The following CCDC15 variants were observed in gnomAD, a reference collection of about 807,000 sequenced individuals.
CCDC15 encodes the protein coiled-coil domain-containing protein 15.
In CCDC15, 105 loss-of-function variants were observed where a neutral mutation model predicts 114.5. The observed-to-expected ratio is 0.92, with a 90% CI of 0.78 to 1.08. CCDC15 has a LOEUF of 1.08. Among genes scored for constraint, CCDC15 ranks in the 50% least tolerant of loss-of-function variants. The pLI is 0.00. For missense variants in CCDC15, 1,105 were observed against 1,093.6 expected, an observed-to-expected ratio of 1.01 and a Z score of -0.15; for synonymous variants, 334 against 377.8, an observed-to-expected ratio of 0.88 and a Z score of 1.34.
chr11:124,992,339 G>A (rs1948284527), intron 9 of CCDC15, among the ~76,000 whole-genome samples: 1 of 152,184 alleles, frequency 6.6e-6, no homozygotes. Context: ...GTACAATGTA[G>A]GAACTAGAAG....
chr11:125,038,754 C>G, intron 14 of CCDC15, 150 bp downstream of exon 14: 1 of 1,144,120 alleles, frequency 8.7e-7, no homozygotes, highest in Non-Finnish European at 1.2e-6. Context: ...TTTTGATTGC[C>G]TAATACTTCT....
At chr11:125,039,243 T>A in intron 15 of CCDC15, 174 bp downstream of exon 15, 2 of 483,860 alleles carry the variant, frequency 4.1e-6, no homozygotes, top group Non-Finnish European at 6.9e-6. Flanking sequence ...GTTATATTTC[T>A]CTTTGAGATC....
intron 13 of CCDC15, among the ~76,000 whole-genome samples, chr11:125,021,872 T>C (rs558763672): frequency 7.0e-4 from 107 of 152,092 alleles, no homozygotes; most frequent in South Asian, 2.5e-3. Flanking sequence ...TCTGTCATCA[T>C]TGACTTCGCT....
chr11:125,034,721 G>A lies in CCDC15; in HGVS notation c.2412-3710G>A, dbSNP rs114639621. 4.7e-3 allele frequency among the ~76,000 whole-genome samples: 720 copies of A among 152,122 alleles called. 5 individuals are homozygous for A. Among genetic ancestry groups the A allele is most frequent in the African/African-American group, 0.016 (684 of 41,502 alleles). On this transcript the variant is annotated intron_variant, in intron 13 of 15. Transcript: ENST00000344762. ...TTTTGCATAACTCTCTAAACAGTTC[G>A]TGCCAGGGACCATAGTGTTCTCCAT... is the stretch of plus-strand genomic sequence containing the variant.
At chr11:124,973,846 T>A (rs1947927350) in intron 4 of CCDC15, among the ~76,000 whole-genome samples, 1 of 152,202 alleles carries the variant, frequency 6.6e-6, no homozygotes, top group Admixed American at 6.5e-5. Flanking sequence ...CTTCAAGGGA[T>A]AATTGATATT....
chr11:124,992,775 A>G (rs1047780598), intron 10 of CCDC15, 88 bp downstream of exon 10: 1 of 723,820 alleles, frequency 1.4e-6, no homozygotes, highest in Non-Finnish European at 2.3e-6. Flanking sequence ...AAGCCTGTCA[A>G]GCTAGCTTGT....
intron 13 of CCDC15, among the ~76,000 whole-genome samples, chr11:125,012,551 G>A (rs1371335835): frequency 6.6e-6 from 1 of 152,140 alleles, no homozygotes; most frequent in East Asian, 1.9e-4. Context: ...GAGTCCATGT[G>A]AGCACAGAAG....
chr11:124,987,436 A>T lies in CCDC15; in HGVS notation c.1210A>T (p.Ser404Cys), dbSNP rs1199713392. The T allele has an allele frequency of 6.2e-7, 1 of 1,613,974 alleles. No homozygotes were observed. The highest frequency in any genetic ancestry group is 8.5e-7 in the Non-Finnish European group (1 of 1,179,892). ...CCAGAGTATTGAGCTAGAAGAAGGG[A>T]GTATTGTGTTGAAAACCCAGGATTT... is the stretch of plus-strand genomic sequence containing the variant. ...KAQSIELEEG[S>C]IVLKTQDFLP... The change falls in exon 8 of 16, where the codon AGT (serine) becomes TGT (cysteine). Residue 404 changes from serine to cysteine, a missense_variant. Physicochemically the swap from Ser to Cys is moderately radical, Grantham distance 112. Coordinates refer to ENST00000344762, the MANE Select transcript of CCDC15 (RefSeq NM_025004.3).
chr11:124,972,142 T>C (rs1947895504), intron 4 of CCDC15, among the ~76,000 whole-genome samples: 2 of 152,200 alleles, frequency 1.3e-5, no homozygotes. Context: ...GTTTTCTATT[T>C]ATCTAATTAT....
chr11:125,011,521 C>T (rs1374400203), intron 13 of CCDC15, among the ~76,000 whole-genome samples: 1 of 152,032 alleles, frequency 6.6e-6, no homozygotes, highest in East Asian at 1.9e-4. Flanking sequence ...CAGGGTTGAG[C>T]CACCATGCCC....
intron 8 of CCDC15, among the ~76,000 whole-genome samples, chr11:124,989,541 TTC>T (rs777518274): frequency 7.2e-5 from 11 of 152,204 alleles, no homozygotes; most frequent in Admixed American, 5.9e-4. Flanking sequence ...CATTGACTTT[TTC>T]TCTCTAGCTG....
intron 4 of CCDC15, among the ~76,000 whole-genome samples, chr11:124,965,102 C>A (rs994942628): frequency 1.3e-5 from 2 of 152,008 alleles, no homozygotes; most frequent in African/African-American, 4.8e-5. Flanking sequence ...CTAAAATTCT[C>A]TTTTTTTGTT....
chr11:125,027,851 A>C (rs1242029472), intron 13 of CCDC15, among the ~76,000 whole-genome samples: 1 of 151,942 alleles, frequency 6.6e-6, no homozygotes, highest in Non-Finnish European at 1.5e-5. Context: ...TATCTTTTAA[A>C]ATTTTTATAG....
intron 8 of CCDC15, among the ~76,000 whole-genome samples, chr11:124,990,386 G>T (rs79595535): frequency 6.6e-6 from 1 of 152,138 alleles, no homozygotes; most frequent in Non-Finnish European, 1.5e-5. Flanking sequence ...CTGAACTATT[G>T]TGAAAATTTC....
chr11:125,004,991 C>T, intron 12 of CCDC15, 118 bp from the exon 13 acceptor site: 1 of 533,310 alleles, frequency 1.9e-6, no homozygotes. Flanking sequence ...CATGTAACTT[C>T]TATATCATCT....
At chr11:124,983,502 G>C (rs911335135) in intron 6 of CCDC15, among the ~76,000 whole-genome samples, 2 of 151,988 alleles carry the variant, frequency 1.3e-5, no homozygotes, top group African/African-American at 4.8e-5. Flanking sequence ...TCTGGTATAA[G>C]GGGGAGTCAG....
At chr11:124,979,597 T>G (rs535352138) in intron 6 of CCDC15, among the ~76,000 whole-genome samples, 4 of 152,298 alleles carry the variant, frequency 2.6e-5, no homozygotes, top group Middle Eastern at 3.4e-3. Context: ...ATTGTTGGTG[T>G]ATAGGAATGC....
At chr11:125,002,544 C>A (rs990150589) in intron 11 of CCDC15, among the ~76,000 whole-genome samples, 1 of 152,074 alleles carries the variant, frequency 6.6e-6, no homozygotes, top group Non-Finnish European at 1.5e-5. Flanking sequence ...TATATTTAGG[C>A]CTATGATGCA....
intron 6 of CCDC15, among the ~76,000 whole-genome samples, chr11:124,983,254 G>C (rs534252409): frequency 2.0e-5 from 3 of 152,032 alleles, no homozygotes; most frequent in African/African-American, 7.2e-5. Flanking sequence ...CGATATTTTT[G>C]TTCCTATCCA....
Sources: gnomAD v4.1 joint callset for allele counts (sites outside exome capture counted in the v4.1 genomes callset) on GRCh38, gnomAD v4.1.1 for gene constraint, MANE v1.5 for transcripts, NCBI Gene and HGNC (gene_info 2026-07-23, HGNC 2026-07-21) for gene names.